Variants in DEFB121 observed in about 807,000 individuals in gnomAD.
DEFB121 encodes defensin beta 121.
In DEFB121, 5 loss-of-function variants were observed where a neutral mutation model predicts 2.5. The ratio of observed to expected loss-of-function variants is 1.96; its 90% CI spans 1.03 to 4.13. DEFB121 has a LOEUF of 4.13. Ranked by LOEUF, DEFB121 falls within the 30% of genes most tolerant of loss-of-function variation. DEFB121 has a pLI of 0.00. For missense variants in DEFB121, 87 were observed against 85.0 expected (o/e 1.02, Z -0.09); for synonymous variants, 39 against 32.6 (o/e 1.20, Z -0.67).
upstream of DEFB121, among the ~76,000 whole-genome samples, chr20:31,410,318 G>A (rs1451668591): frequency 6.6e-6 from 1 of 152,158 alleles, no homozygotes; most frequent in Non-Finnish European, 1.5e-5. Context: ...TTGGGTACAT[G>A]TGAACATAAA....
At chr20:31,412,488 A>G (rs1978691208) in intron 1 of DEFB121, 1 of 505,684 alleles carries the variant, frequency 2.0e-6, no homozygotes, top group Non-Finnish European at 3.3e-6. Flanking sequence ...TAATATGGAG[A>G]TGATACTACT....
upstream of DEFB121, among the ~76,000 whole-genome samples, chr20:31,410,798 A>T (rs1978639007): frequency 6.8e-6 from 1 of 147,934 alleles, no homozygotes; most frequent in African/African-American, 2.6e-5. Context: ...GAAGGGTAGG[A>T]TACTGGGCTG....
At chr20:31,417,249 G>A (rs747699170), upstream of DEFB121, among the ~76,000 whole-genome samples, 1 of 152,092 alleles carries the variant, frequency 6.6e-6, no homozygotes, top group Non-Finnish European at 1.5e-5. Context: ...GGAGGCTGAG[G>A]CAGAAGAATT....
At chr20:31,411,580 G>C (rs938677542) in intron 1 of DEFB121, among the ~76,000 whole-genome samples, 10 of 146,440 alleles carry the variant, frequency 6.8e-5, no homozygotes, top group African/African-American at 2.6e-4. Flanking sequence ...AAAAAAAAAA[G>C]AAAGCGATAA....
upstream of DEFB121, among the ~76,000 whole-genome samples, chr20:31,414,052 A>G (rs1978738078): frequency 6.6e-6 from 1 of 152,222 alleles, no homozygotes; most frequent in African/African-American, 2.4e-5. Context: ...AACTAAAAAT[A>G]CAAAATTAAC....
upstream of DEFB121, among the ~76,000 whole-genome samples, chr20:31,408,687 AT>A: frequency 6.6e-6 from 1 of 152,324 alleles, no homozygotes; most frequent in South Asian, 2.1e-4. Flanking sequence ...TAAATTTTGT[AT>A]AATTTTCACA....
intron 1 of DEFB121, chr20:31,412,544 A>G: frequency 1.8e-6 from 2 of 1,088,126 alleles, no homozygotes; most frequent in South Asian, 2.6e-5. Context: ...GATGCTTGTA[A>G]AGCTCAGGGA....
chr20:31,412,686 T>C (rs1356428398), exon 1 of DEFB121: 1 of 1,290,746 alleles, frequency 7.7e-7, no homozygotes, highest in Non-Finnish European at 1.0e-6. Flanking sequence ...TTCTGGCTTT[T>C]CATTGTCAAC....
At chr20:31,405,822 T>A (rs1480281056) in intron 1 of DEFB121, among the ~76,000 whole-genome samples, 4 of 152,140 alleles carry the variant, frequency 2.6e-5, no homozygotes, top group Non-Finnish European at 5.9e-5. Flanking sequence ...CATACCCAAG[T>A]CTCTCTCTTT....
chr20:31,418,065 C>G, the DEFB121 span, among the ~76,000 whole-genome samples: 1 of 150,410 alleles, frequency 6.6e-6, no homozygotes, highest in Non-Finnish European at 1.5e-5. Flanking sequence ...TCGAGACCAT[C>G]CCGGCTAAAA....
chr20:31,415,102 C>A (rs1036927938), upstream of DEFB121, among the ~76,000 whole-genome samples: 2 of 152,150 alleles, frequency 1.3e-5, no homozygotes, highest in African/African-American at 4.8e-5. Context: ...TTTTAGAAAT[C>A]TGCTGTACTA....
upstream of DEFB121, among the ~76,000 whole-genome samples, chr20:31,406,808 A>G (rs6120123): frequency 0.036 from 5,434 of 152,142 alleles, 335 homozygotes; most frequent in African/African-American, 0.12. Flanking sequence ...TTTTATTATT[A>G]CTTATTTTTT....
upstream of DEFB121, among the ~76,000 whole-genome samples, chr20:31,415,879 ACTGCCTGG>A (rs781087384): frequency 6.6e-6 from 1 of 152,184 alleles, no homozygotes; most frequent in Non-Finnish European, 1.5e-5. Flanking sequence ...TAATGAAGAT[ACTGCCTGG>A]CTGCAGCTGC....
chr20:31,414,251 A>G (rs992454449), upstream of DEFB121, among the ~76,000 whole-genome samples: 2 of 151,498 alleles, frequency 1.3e-5, no homozygotes, highest in African/African-American at 2.4e-5. Context: ...AGGAAGGAAG[A>G]AAGGAAGGAA....
chr20:31,417,980 G>C, the DEFB121 span, among the ~76,000 whole-genome samples: 4 of 150,834 alleles, frequency 2.7e-5, no homozygotes, highest in African/African-American at 9.8e-5. Context: ...AGGGAAAAAG[G>C]CCGGGCGCGG....
chr20:31,415,407 G>A (rs1978779169), upstream of DEFB121, among the ~76,000 whole-genome samples: 1 of 151,956 alleles, frequency 6.6e-6, no homozygotes, highest in African/African-American at 2.4e-5. Context: ...CAGCCACCAT[G>A]CCTGGCTAAT....
chr20:31,408,474 T>C (rs563834381), upstream of DEFB121, among the ~76,000 whole-genome samples: 1 of 151,812 alleles, frequency 6.6e-6, no homozygotes, highest in East Asian at 1.9e-4. Context: ...ACAAGATAAA[T>C]TTTCTTGTTG....
upstream of DEFB121, among the ~76,000 whole-genome samples, chr20:31,417,774 C>A (rs867439775): frequency 6.6e-6 from 1 of 151,686 alleles, no homozygotes; most frequent in Non-Finnish European, 1.5e-5. Flanking sequence ...ACCAGCCTGG[C>A]CAACATGGTG....
chr20:31,405,499 T>A (rs1365025893), intron 1 of DEFB121, among the ~76,000 whole-genome samples: 1 of 152,218 alleles, frequency 6.6e-6, no homozygotes, highest in African/African-American at 2.4e-5. Context: ...GTGACAGGAA[T>A]ATTAAATAAA....
Sources: allele counts gnomAD v4.1 joint callset (sites outside exome capture counted in the v4.1 genomes callset), GRCh38; gene constraint gnomAD v4.1.1; transcripts MANE v1.5; gene names NCBI Gene and HGNC (gene_info 2026-07-23, HGNC 2026-07-21).